Variants in SLIT3 observed in about 807,000 individuals in gnomAD.
The protein encoded by SLIT3 is slit homolog 3 protein.
A neutral mutation model predicts 184.0 loss-of-function variants in SLIT3; 68 were observed. The observed-to-expected ratio is 0.37, with a 90% CI of 0.30 to 0.45. The LOEUF (loss-of-function observed/expected upper bound fraction) is 0.45, where lower values mean the gene tolerates loss of function less well. SLIT3 is among the 20% of genes least tolerant of loss of function. SLIT3 has a pLI of 1.00. For missense variants in SLIT3, 1,707 were observed against 2,026.0 expected (o/e 0.84, Z 3.02); for synonymous variants, 831 against 828.6 (o/e 1.00, Z -0.05).
intron 20 of SLIT3, among the ~76,000 whole-genome samples, chr5:168,731,286 A>C (rs1241705925): frequency 6.6e-6 from 1 of 151,996 alleles, no homozygotes; most frequent in East Asian, 1.9e-4. Flanking sequence ...AGACTGAATC[A>C]GTAATACAAA....
In SLIT3 at chr5:169,067,040, C is replaced by T. The variant is rs142869409; in HGVS notation, c.413+126439G>A. On this transcript the variant is annotated intron_variant, in intron 4 of 35. Transcript: ENST00000519560. ...TAAAACTAATTGTGATTATTATTCG[C>T]TTCCTGTTAGTCATTTTCAAAAATT... Among the ~76,000 whole-genome samples, 423 of 151,804 alleles carry T rather than the reference C, an allele frequency of 2.8e-3. 2 individuals carry two copies. Among genetic ancestry groups the T allele is most frequent in the African/African-American group, 9.9e-3 (411 of 41,382 alleles).
intron 8 of SLIT3, among the ~76,000 whole-genome samples, chr5:168,811,159 C>A (rs866333689): frequency 6.6e-6 from 1 of 152,056 alleles, no homozygotes; most frequent in Non-Finnish European, 1.5e-5. Context: ...GAAAGAGAAG[C>A]CCTGAGAGAG....
intron 4 of SLIT3, among the ~76,000 whole-genome samples, chr5:169,009,697 C>T (rs1023677180): frequency 6.6e-6 from 1 of 152,214 alleles, no homozygotes; most frequent in African/African-American, 2.4e-5. Context: ...ATTGAGCATT[C>T]ACTGAGCACT....
rs149447653 is a variant in SLIT3, at chr5:168,675,102, G to A, written c.3687-1771C>T. Among the ~76,000 whole-genome samples the A allele has an allele frequency of 2.1e-3, 322 of 152,286 alleles. 2 individuals carry two copies. The highest frequency in any genetic ancestry group is 6.8e-3 in the African/African-American group (284 of 41,566). ...GCTCCACCCTCGGCGGGGGCTGGGA[G>A]GGAACAGTGGTGGGAGATGATGGGA... On this transcript the variant is annotated intron_variant, in intron 32 of 35. Transcript: ENST00000519560.
intron 3 of SLIT3, among the ~76,000 whole-genome samples, chr5:169,227,260 G>A (rs1026995543): frequency 1.3e-5 from 2 of 152,140 alleles, no homozygotes; most frequent in African/African-American, 2.4e-5. Context: ...ACTAAATTAC[G>A]CCACTTAAAT....
intron 2 of SLIT3, among the ~76,000 whole-genome samples, chr5:169,249,924 A>T (rs969227731): frequency 6.6e-6 from 1 of 152,258 alleles, no homozygotes; most frequent in African/African-American, 2.4e-5. Flanking sequence ...GAGTCCCAGG[A>T]TTCAGATTCC....
At chr5:169,033,973 C>T (rs144634273) in intron 4 of SLIT3, among the ~76,000 whole-genome samples, 6,092 of 151,986 alleles carry the variant, frequency 0.04, 161 homozygotes, top group Middle Eastern at 0.061. Context: ...CCACCACGCC[C>T]GGCTAATTTT....
chr5:169,237,741 C>A (rs1204868285), intron 3 of SLIT3, among the ~76,000 whole-genome samples: 6 of 152,112 alleles, frequency 3.9e-5, no homozygotes, highest in Admixed American at 3.9e-4. Context: ...TTGTCCATTT[C>A]TTTCCTTTAT....
chr5:168,868,747 C>CAAAAAAAAAAAAAAAAAAAAAAAAAAAAA (rs375837097), intron 5 of SLIT3, among the ~76,000 whole-genome samples: 2 of 69,316 alleles, frequency 2.9e-5, no homozygotes, highest in African/African-American at 1.1e-4. Flanking sequence ...GAATCTGCCT[C>CAAAAAAAAAAAAAAAAAAAAAAAAAAAAA]AAAAAAAAAA....
intron 4 of SLIT3, among the ~76,000 whole-genome samples, chr5:168,973,582 A>G (rs997919747): frequency 6.6e-6 from 1 of 152,202 alleles, no homozygotes; most frequent in African/African-American, 2.4e-5. Context: ...ATTGAGATAA[A>G]ATTTACACGG....
intron 20 of SLIT3, among the ~76,000 whole-genome samples, chr5:168,741,489 A>AAAAAAAAAG (rs1467637171): frequency 1.3e-5 from 2 of 151,440 alleles, no homozygotes; most frequent in Admixed American, 6.6e-5. Context: ...AAAAAAAAAA[A>AAAAAAAAAG]AAAAAAAGAA....
chr5:168,727,961 C>G (rs1763184578), intron 20 of SLIT3, among the ~76,000 whole-genome samples: 1 of 152,040 alleles, frequency 6.6e-6, no homozygotes. Flanking sequence ...GGCAGAGAAG[C>G]GCTGGTCCAG....
Position 168,800,403 on chromosome 5 carries a change from C to T in SLIT3, c.936-4825G>A, listed in dbSNP as rs143995499. Among the ~76,000 whole-genome samples, 6 of 152,176 alleles carry T rather than the reference C, an allele frequency of 3.9e-5. No individual in the cohort carries two copies. The South Asian group carries it at 1.2e-3, about 32-fold the overall frequency. On this transcript the variant is annotated intron_variant, in intron 9 of 35. Transcript: ENST00000519560. ...GAGTTTGAGACCAGCCTGGCCAACACGGTGAAACCCATCTCTACTAAAAAT... is the reference window on the plus strand; with the variant it reads ...GAGTTTGAGACCAGCCTGGCCAACATGGTGAAACCCATCTCTACTAAAAAT...
At chr5:168,954,109 G>A (rs529600880) in intron 4 of SLIT3, among the ~76,000 whole-genome samples, 22 of 152,220 alleles carry the variant, frequency 1.4e-4, no homozygotes, top group African/African-American at 4.1e-4. Context: ...ATGATCAAGC[G>A]TCGGGAGGAA....
intron 4 of SLIT3, among the ~76,000 whole-genome samples, chr5:169,142,175 T>C (rs1425328935): frequency 6.6e-6 from 1 of 152,148 alleles, no homozygotes; most frequent in Non-Finnish European, 1.5e-5. Context: ...CCATTGCACA[T>C]TCACTGTGAA....
At chr5:168,675,707 A>AAAC (rs759625038) in intron 32 of SLIT3, among the ~76,000 whole-genome samples, 2 of 152,190 alleles carry the variant, frequency 1.3e-5, no homozygotes, top group Admixed American at 6.5e-5. Flanking sequence ...ATTTCTTAAA[A>AAAC]AACAACAACA....
intron 4 of SLIT3, among the ~76,000 whole-genome samples, chr5:168,907,932 T>TAG (rs1761116063): frequency 1.2e-5 from 1 of 83,182 alleles, no homozygotes; most frequent in Non-Finnish European, 2.9e-5. Flanking sequence ...ATTTTATATA[T>TAG]ATATTATACG....
At chr5:168,855,963 C>G (rs2938768) in intron 5 of SLIT3, among the ~76,000 whole-genome samples, 74,244 of 151,784 alleles carry the variant, frequency 0.49, 19,318 homozygotes, top group African/African-American at 0.66. Context: ...AAAAAAATTA[C>G]CCAAGTGTGG....
At chr5:169,148,430 C>T (rs191005316) in intron 4 of SLIT3, among the ~76,000 whole-genome samples, 1 of 152,334 alleles carries the variant, frequency 6.6e-6, no homozygotes, top group Non-Finnish European at 1.5e-5. Context: ...AGCTCCAGGG[C>T]AGGAACTGAC....
Sources: allele counts gnomAD v4.1 joint callset (sites outside exome capture counted in the v4.1 genomes callset), GRCh38; gene constraint gnomAD v4.1.1; transcripts MANE v1.5; gene names NCBI Gene and HGNC (gene_info 2026-07-23, HGNC 2026-07-21).